Variants in VDR observed in about 807,000 individuals in gnomAD.
VDR encodes the protein vitamin D receptor.
In VDR, 19 loss-of-function variants were observed where a neutral mutation model predicts 39.7. The ratio of observed to expected loss-of-function variants is 0.48; its 90% CI spans 0.33 to 0.70. The LOEUF is 0.70. Ranked by LOEUF, VDR falls within the 30% of genes least tolerant of loss-of-function variation. VDR has a pLI of 0.02. For missense variants in VDR, 442 were observed against 570.5 expected (o/e 0.77, Z 2.29); for synonymous variants, 242 against 215.8 (o/e 1.12, Z -1.07).
chr12:47,893,476 G>C (rs11574028), intron 1 of VDR, among the ~76,000 whole-genome samples: 9 of 152,164 alleles, frequency 5.9e-5, no homozygotes, highest in Middle Eastern at 3.2e-3. Context: ...AAAAAAAAAG[G>C]TTTTGTGGGA....
At chr12:47,900,824 A>G (rs946638595) in intron 1 of VDR, among the ~76,000 whole-genome samples, 3 of 152,186 alleles carry the variant, frequency 2.0e-5, no homozygotes, top group Non-Finnish European at 4.4e-5. Context: ...CCGAGTCTGC[A>G]CAGACTCCGC....
chr12:47,851,579 A>G (rs772386133), intron 7 of VDR, among the ~76,000 whole-genome samples: 1 of 152,140 alleles, frequency 6.6e-6, no homozygotes, highest in Non-Finnish European at 1.5e-5. Context: ...CTGTTCTTCT[A>G]TGTCTTGGAA....
chr12:47,882,864 C>T (rs1565630155), intron 1 of VDR, 90 bp from the exon 2 acceptor site: 2 of 1,052,730 alleles, frequency 1.9e-6, no homozygotes, highest in Non-Finnish European at 2.8e-6. Flanking sequence ...AGGCTCTTTC[C>T]AGGGACTTTA....
chr12:47,902,797 C>A (rs1024429037), intron 1 of VDR, among the ~76,000 whole-genome samples: 3 of 152,194 alleles, frequency 2.0e-5, no homozygotes, highest in Non-Finnish European at 4.4e-5. Flanking sequence ...ACAATGGGAA[C>A]TCCCTTTCGT....
chr12:47,885,629 C>T (rs897556730), intron 1 of VDR, among the ~76,000 whole-genome samples: 1 of 152,252 alleles, frequency 6.6e-6, no homozygotes, highest in Non-Finnish European at 1.5e-5. Flanking sequence ...AGAAGTCTGA[C>T]CGCTAATGTC....
chr12:47,876,029 A>T (rs2137194382), intron 3 of VDR, among the ~76,000 whole-genome samples: 1 of 152,342 alleles, frequency 6.6e-6, no homozygotes, highest in South Asian at 2.1e-4. Context: ...AATCAAAAAA[A>T]GGCAAAAAAT....
rs149947070 is a variant in VDR, at chr12:47,888,620, G to A, written c.-83-5846C>T. 1.5e-3 allele frequency among the ~76,000 whole-genome samples: 221 copies of A among 152,280 alleles called. 1 individual carries two copies. Among genetic ancestry groups the A allele is most frequent in the African/African-American group, 5.2e-3 (216 of 41,558 alleles). On this transcript the variant is annotated intron_variant, in intron 1 of 9. Transcript: ENST00000549336. ...TCCAGGTAACAGGCAGGCTATGCCC[G>A]TCACTGCTGGAGAGTGGCCGGTGAC...
At chr12:47,874,817 C>A (rs1177832610) in intron 3 of VDR, among the ~76,000 whole-genome samples, 1 of 152,172 alleles carries the variant, frequency 6.6e-6, no homozygotes, top group Non-Finnish European at 1.5e-5. Flanking sequence ...CGGACGAAGC[C>A]ATCCATGACC....
chr12:47,846,624 A>C (rs1945285708), intron 8 of VDR, 33 bp downstream of exon 8: 2 of 1,612,586 alleles, frequency 1.2e-6, no homozygotes, highest in Non-Finnish European at 1.7e-6. Flanking sequence ...GGGAGCTGAA[A>C]AAGACTCCCC....
intron 3 of VDR, among the ~76,000 whole-genome samples, chr12:47,867,025 A>C (rs570152624): frequency 3.0e-4 from 46 of 151,730 alleles, no homozygotes; most frequent in Middle Eastern, 3.4e-3. Context: ...AACAAAAAAA[A>C]CCCAGAAAAC....
chr12:47,882,647 T>TGG, intron 2 of VDR, 47 bp downstream of exon 2: 1 of 227,954 alleles, frequency 4.4e-6, no homozygotes, highest in Non-Finnish European at 7.8e-6. Flanking sequence ...CCCCGCCCCT[T>TGG]GAAAACAGAA....
chr12:47,853,481 G>A (rs2137137170), intron 7 of VDR, among the ~76,000 whole-genome samples: 1 of 146,244 alleles, frequency 6.8e-6, no homozygotes, highest in South Asian at 2.2e-4. Context: ...GGCCGGGCGT[G>A]GTGGTTCATG....
chr12:47,882,944 G>C (rs531192389), intron 1 of VDR, 170 bp from the exon 2 acceptor site: 1 of 554,898 alleles, frequency 1.8e-6, no homozygotes, highest in South Asian at 2.4e-5. Context: ...TCGCTGGCAG[G>C]GGTGTGGGGG....
chr12:47,904,773 ACCTCAGTGCCCC>A, intron 1 of VDR, 170 bp downstream of exon 1: 1 of 778,048 alleles, frequency 1.3e-6, no homozygotes, highest in Non-Finnish European at 2.0e-6. Context: ...GCTTTCTCAA[ACCTCAGTGCCCC>A]TTAGTGTCCC....
rs898606128 is a variant in VDR, at chr12:47,844,431, C to T, written c.*315G>A. ...CTGTTCCCTCAACATCAGTCAGCAG[C>T]CACTTAGGCAGCGGTGGAGGCATCT... is the stretch of plus-strand genomic sequence containing the variant. On this transcript the variant is annotated 3_prime_UTR_variant, in exon 10 of 10. Coordinates refer to ENST00000549336, the MANE Select transcript of VDR (RefSeq NM_000376.3). 8.1e-5 allele frequency: 43 copies of T among 533,144 alleles called. 1 individual carries two copies. The highest frequency in any genetic ancestry group is 2.4e-4 in the South Asian group (11 of 45,440). 33.0% of individuals were successfully genotyped at this position (533,144 alleles called of 1,614,324 possible). A position where few individuals can be genotyped will look rare whatever the true frequency, so the allele number is the denominator to read the frequency against.
At chr12:47,857,730 T>A in intron 4 of VDR, 42 bp from the exon 5 acceptor site, 1 of 1,602,798 alleles carries the variant, frequency 6.2e-7, no homozygotes, top group East Asian at 2.2e-5. Context: ...GGCCAGCAGC[T>A]CCTCCAGGAA....
intron 3 of VDR, among the ~76,000 whole-genome samples, chr12:47,867,856 G>T (rs950535012): frequency 6.6e-6 from 1 of 152,164 alleles, no homozygotes; most frequent in Non-Finnish European, 1.5e-5. Context: ...ACATACATGG[G>T]GTTGAGGGGA....
At chr12:47,896,682 G>A (rs1407918483) in intron 1 of VDR, 1 of 152,248 alleles carries the variant, frequency 6.6e-6, no homozygotes, top group Middle Eastern at 3.4e-3. Flanking sequence ...AGTTTCCCAG[G>A]CTGTGCACGT....
At chr12:47,885,197 G>A (rs1946229628) in intron 1 of VDR, among the ~76,000 whole-genome samples, 1 of 152,192 alleles carries the variant, frequency 6.6e-6, no homozygotes, top group Admixed American at 6.5e-5. Flanking sequence ...AAGCTTCAGA[G>A]AAGCAGAGGG....
Sources: allele counts gnomAD v4.1 joint callset (sites outside exome capture counted in the v4.1 genomes callset), GRCh38; gene constraint gnomAD v4.1.1; transcripts MANE v1.5; gene names NCBI Gene and HGNC (gene_info 2026-07-23, HGNC 2026-07-21).